Variants in AGBL1 observed in about 807,000 individuals in gnomAD.
The protein encoded by AGBL1 is AGBL carboxypeptidase 1.
AGBL1 carries 130 observed loss-of-function variants against 118.9 expected under a neutral mutation model. The ratio of observed to expected loss-of-function variants is 1.09; its 90% CI spans 0.95 to 1.26. AGBL1 has a LOEUF of 1.26. AGBL1 is among the 50% of genes most tolerant of loss of function. The pLI, the probability that AGBL1 is intolerant of heterozygous loss-of-function variation, is 0.00. For missense variants in AGBL1, 1,584 were observed against 1,298.1 expected, an observed-to-expected ratio of 1.22 and a Z score of -3.38; for synonymous variants, 555 against 478.9, an observed-to-expected ratio of 1.16 and a Z score of -2.08.
intron 19 of AGBL1, among the ~76,000 whole-genome samples, chr15:86,537,722 A>G (rs1377196728): frequency 6.6e-6 from 1 of 152,242 alleles, no homozygotes; most frequent in Non-Finnish European, 1.5e-5. Flanking sequence ...GATATCACAC[A>G]TCACTTTCTA....
intron 2 of AGBL1, 143 bp from the exon 3 acceptor site, chr15:86,143,556 C>T (rs1246407871): frequency 1.0e-6 from 1 of 975,702 alleles, no homozygotes; most frequent in Admixed American, 2.9e-5. Flanking sequence ...AACTTTAACA[C>T]AGGTTGCTTC....
At chr15:86,335,140 TA>T (rs1409759297) in intron 17 of AGBL1, among the ~76,000 whole-genome samples, 2 of 125,374 alleles carry the variant, frequency 1.6e-5, no homozygotes, top group East Asian at 4.0e-4. Context: ...TAGATTAAGT[TA>T]TTTTTTTTTT....
chr15:86,350,382 G>C (rs887760639), intron 17 of AGBL1, among the ~76,000 whole-genome samples: 1 of 152,204 alleles, frequency 6.6e-6, no homozygotes, highest in Non-Finnish European at 1.5e-5. Flanking sequence ...GTGAAGTCTT[G>C]AGTGGTTGTT....
chr15:86,484,428 A>T (rs1466222491), intron 18 of AGBL1, among the ~76,000 whole-genome samples: 1 of 152,174 alleles, frequency 6.6e-6, no homozygotes, highest in African/African-American at 2.4e-5. Flanking sequence ...TCAGATGAAC[A>T]TAAAGAAAAA....
intron 17 of AGBL1, among the ~76,000 whole-genome samples, chr15:86,331,623 G>T (rs371493811): frequency 6.6e-6 from 1 of 152,218 alleles, no homozygotes; most frequent in Non-Finnish European, 1.5e-5. Context: ...AACTTTACAA[G>T]CCAGCAGAGA....
chr15:86,509,456 T>C (rs1159133304), intron 18 of AGBL1, among the ~76,000 whole-genome samples: 1 of 152,102 alleles, frequency 6.6e-6, no homozygotes, highest in Non-Finnish European at 1.5e-5. Flanking sequence ...GAGATGAGAC[T>C]AGTTTGTAGA....
intron 22 of AGBL1, among the ~76,000 whole-genome samples, chr15:86,711,311 A>G (rs996331067): frequency 3.9e-5 from 6 of 152,214 alleles, no homozygotes; most frequent in South Asian, 2.1e-4. Flanking sequence ...TTCCAACAAG[A>G]TCAATGAAAG....
intron 5 of AGBL1, among the ~76,000 whole-genome samples, chr15:86,205,667 T>C (rs1301029013): frequency 1.3e-5 from 2 of 152,200 alleles, no homozygotes; most frequent in Non-Finnish European, 2.9e-5. Flanking sequence ...TGTATTGGTA[T>C]TTCATTGTGG....
intron 18 of AGBL1, among the ~76,000 whole-genome samples, chr15:86,401,318 A>G (rs965513247): frequency 6.6e-6 from 1 of 151,286 alleles, no homozygotes; most frequent in African/African-American, 2.4e-5. Context: ...TTTCTTGCTA[A>G]TTTGTTTGAA....
At chr15:86,346,396 G>T (rs2080537959) in intron 17 of AGBL1, among the ~76,000 whole-genome samples, 1 of 151,406 alleles carries the variant, frequency 6.6e-6, no homozygotes, top group Non-Finnish European at 1.5e-5. Flanking sequence ...GCCCAGGCTG[G>T]GGTGCAGTGG....
At chr15:86,468,713 C>T (rs2082439177) in intron 18 of AGBL1, among the ~76,000 whole-genome samples, 1 of 152,044 alleles carries the variant, frequency 6.6e-6, no homozygotes, top group African/African-American at 2.4e-5. Flanking sequence ...CTCTTCATCA[C>T]CAAGGAATAA....
chr15:86,846,592 C>T lies in AGBL1; in HGVS notation c.3159-60495C>T, dbSNP rs191485940. 1.2e-4 allele frequency among the ~76,000 whole-genome samples: 19 copies of T among 152,196 alleles called. No individual in the cohort carries two copies. In the East Asian group the frequency reaches 2.7e-3, roughly 22 times the overall value. On this transcript the variant is annotated intron_variant, in intron 22 of 22. Transcript: ENST00000614907. ...TGTCACCCAGGCTGGAGTGCAGTGG[C>T]GCCATCTTGGCTCACTGCAACCTCT...
chr15:86,224,428 A>G (rs2078327194), intron 5 of AGBL1, among the ~76,000 whole-genome samples: 1 of 152,166 alleles, frequency 6.6e-6, no homozygotes. Flanking sequence ...TCTCTTTGCA[A>G]TGTGTGAATG....
intron 21 of AGBL1, among the ~76,000 whole-genome samples, chr15:86,653,194 T>A (rs2085406081): frequency 6.6e-6 from 1 of 152,006 alleles, no homozygotes; most frequent in Admixed American, 6.6e-5. Context: ...AGCACAAACA[T>A]CCCAGGGGAT....
At chr15:86,100,907 C>G (rs889339740) in intron 1 of AGBL1, among the ~76,000 whole-genome samples, 3 of 152,038 alleles carry the variant, frequency 2.0e-5, no homozygotes, top group African/African-American at 7.2e-5. Context: ...TCCTTCTACT[C>G]ATTCTGGGTT....
At chr15:86,463,015 C>T (rs370020914) in intron 18 of AGBL1, among the ~76,000 whole-genome samples, 1 of 152,176 alleles carries the variant, frequency 6.6e-6, no homozygotes, top group South Asian at 2.1e-4. Flanking sequence ...AATAGCCACA[C>T]TGTCTTCCAC....
Position 86,258,044 on chromosome 15 carries a change from G to A in AGBL1, c.969+13G>A, listed in dbSNP as rs760505180. On this transcript the variant is annotated intron_variant, in intron 9 of 22. Transcript: ENST00000614907. The stretch of plus-strand genomic sequence containing the variant: ...TGGGAAAGTGGAAGTAGGTACACCA[G>A]CCCATGCTTCTAATGATGTCCATAG... 1 of 1,611,922 alleles carries A rather than the reference G, an allele frequency of 6.2e-7. No homozygotes were observed. The highest frequency in any genetic ancestry group is 1.1e-5 in the South Asian group (1 of 90,770).
chr15:86,798,543 C>T (rs2078605898), intron 22 of AGBL1, among the ~76,000 whole-genome samples: 1 of 151,872 alleles, frequency 6.6e-6, no homozygotes, highest in Non-Finnish European at 1.5e-5. Flanking sequence ...GAATGAGCCA[C>T]TATTCTATAA....
rs2085525862 is a variant in AGBL1, at chr15:86,660,799, A to T, written c.2995-13474A>T. Among the ~76,000 whole-genome samples, 3 of 152,080 alleles carry T rather than the reference A, an allele frequency of 2.0e-5. No homozygotes were observed. The South Asian group carries it at 6.2e-4, about 32-fold the overall frequency. ...TAACAGCAAATTCTAGCCATGCGTA[A>T]ATCTGCAGACTCTAATGTATATTAG... On this transcript the variant is annotated intron_variant, in intron 21 of 22. Transcript: ENST00000614907.
Sources: gnomAD v4.1 joint callset for allele counts (sites outside exome capture counted in the v4.1 genomes callset) on GRCh38, gnomAD v4.1.1 for gene constraint, MANE v1.5 for transcripts, NCBI Gene and HGNC (gene_info 2026-07-23, HGNC 2026-07-21) for gene names.